The following ASCC3 variants were observed in gnomAD, a reference collection of about 807,000 sequenced individuals.
ASCC3 encodes the protein activating signal cointegrator 1 complex subunit 3.
ASCC3 carries 158 observed loss-of-function variants against 256.3 expected under a neutral mutation model. That is an observed-to-expected ratio of 0.62 (90% CI 0.54 to 0.70). The LOEUF is 0.70. Ranked by LOEUF, ASCC3 falls within the 30% of genes least tolerant of loss-of-function variation. The pLI is 0.00. For synonymous variants in ASCC3, 948 were observed against 883.4 expected (o/e 1.07, Z -1.30); for missense variants, 2,259 against 2,626.0 (o/e 0.86, Z 3.05).
intron 4 of ASCC3, among the ~76,000 whole-genome samples, chr6:100,806,432 C>A (rs1003796284): frequency 6.6e-6 from 1 of 151,964 alleles, no homozygotes; most frequent in Admixed American, 6.6e-5. Context: ...ATATCCCACT[C>A]TCCTATGCAG....
chr6:100,647,871 G>A (rs1429558255), intron 20 of ASCC3, among the ~76,000 whole-genome samples: 1 of 151,732 alleles, frequency 6.6e-6, no homozygotes, highest in East Asian at 1.9e-4. Flanking sequence ...GATCCTGATA[G>A]GGAAAAAAAA....
chr6:100,633,248 A>G (rs939768447), intron 25 of ASCC3, among the ~76,000 whole-genome samples: 6 of 152,178 alleles, frequency 3.9e-5, no homozygotes, highest in Non-Finnish European at 8.8e-5. Context: ...CTGGAACATG[A>G]ATCATCCCTT....
At chr6:100,851,939 C>T (rs980354430) in intron 3 of ASCC3, among the ~76,000 whole-genome samples, 1 of 152,168 alleles carries the variant, frequency 6.6e-6, no homozygotes, top group African/African-American at 2.4e-5. Flanking sequence ...CCCTAAGGGG[C>T]AACCACCCCG....
At chr6:100,777,544 A>C (rs988433751) in intron 8 of ASCC3, among the ~76,000 whole-genome samples, 8 of 152,136 alleles carry the variant, frequency 5.3e-5, no homozygotes, top group Non-Finnish European at 1.5e-5. Context: ...ATTTTAATAG[A>C]TGGTGTAATG....
chr6:100,878,162 G>A (rs1483536435), intron 1 of ASCC3, among the ~76,000 whole-genome samples: 1 of 152,168 alleles, frequency 6.6e-6, no homozygotes, highest in Non-Finnish European at 1.5e-5. Flanking sequence ...TCTCAATCAA[G>A]TTAGGAAACA....
intron 1 of ASCC3, among the ~76,000 whole-genome samples, chr6:100,876,646 C>T (rs964850124): frequency 6.6e-6 from 1 of 152,106 alleles, no homozygotes; most frequent in Non-Finnish European, 1.5e-5. Context: ...AAAAACTGGC[C>T]TACATATCAA....
chr6:100,523,504 T>C (rs967357642), intron 37 of ASCC3, among the ~76,000 whole-genome samples: 2 of 152,090 alleles, frequency 1.3e-5, no homozygotes, highest in African/African-American at 2.4e-5. Context: ...CAAGAACTCA[T>C]AGAAAAGAGG....
At chr6:100,858,626 C>G (rs9390699) in intron 3 of ASCC3, 72,425 of 987,032 alleles carry the variant, frequency 0.073, 5,178 homozygotes, top group East Asian at 0.37. Flanking sequence ...ATTTATTAAT[C>G]CACTCATTAT....
chr6:100,543,517 G>T (rs964070153), intron 36 of ASCC3, among the ~76,000 whole-genome samples: 4 of 151,994 alleles, frequency 2.6e-5, no homozygotes, highest in Non-Finnish European at 5.9e-5. Context: ...AATAGAAAAA[G>T]ATATACTATG....
chr6:100,687,030 TCTCTCACACACACA>T (rs1777604117), intron 13 of ASCC3, among the ~76,000 whole-genome samples: 1 of 129,272 alleles, frequency 7.7e-6, no homozygotes, highest in Non-Finnish European at 1.6e-5. Flanking sequence ...TCTCTCTCTC[TCTCTCACACACACA>T]CACACACACA....
At chr6:100,768,971 A>G (rs1236666378) in intron 8 of ASCC3, among the ~76,000 whole-genome samples, 1 of 152,136 alleles carries the variant, frequency 6.6e-6, no homozygotes, top group East Asian at 1.9e-4. Flanking sequence ...TAAATAGCAC[A>G]CTTTCTACCA....
chr6:100,633,016 G>C (rs534325440), intron 25 of ASCC3, among the ~76,000 whole-genome samples: 1 of 152,128 alleles, frequency 6.6e-6, no homozygotes, highest in African/African-American at 2.4e-5. Flanking sequence ...TCAACAGAGA[G>C]ACAATGTGAA....
intron 10 of ASCC3, among the ~76,000 whole-genome samples, chr6:100,730,175 T>C (rs4840146): frequency 0.94 from 142,867 of 151,948 alleles, 67,483 homozygotes; most frequent in South Asian, 0.99. Flanking sequence ...TGGTTGCACA[T>C]GCCTGTAGTC....
chr6:100,660,257 G>A (rs536595894), intron 16 of ASCC3, among the ~76,000 whole-genome samples: 1 of 151,692 alleles, frequency 6.6e-6, no homozygotes, highest in African/African-American at 2.4e-5. Flanking sequence ...ATAATGTAGT[G>A]ACCTTGGGTC....
At chr6:100,590,300 G>T (rs1261005549) in intron 34 of ASCC3, among the ~76,000 whole-genome samples, 1 of 151,986 alleles carries the variant, frequency 6.6e-6, no homozygotes, top group Admixed American at 6.6e-5. Context: ...GACTAGAAGG[G>T]ACATCATCAG....
At chr6:100,834,903 G>T (rs1771800567) in intron 4 of ASCC3, among the ~76,000 whole-genome samples, 1 of 152,036 alleles carries the variant, frequency 6.6e-6, no homozygotes, top group African/African-American at 2.4e-5. Context: ...ACTGTTTTCT[G>T]ACAGAAACTT....
At chr6:100,867,045 C>A (rs1054569538) in intron 2 of ASCC3, among the ~76,000 whole-genome samples, 1 of 151,968 alleles carries the variant, frequency 6.6e-6, no homozygotes, top group African/African-American at 2.4e-5. Flanking sequence ...TAAGTTTATC[C>A]ATCAGAAGAA....
chr6:100,829,473 C>CA (rs1771508515), intron 4 of ASCC3, among the ~76,000 whole-genome samples: 1 of 151,738 alleles, frequency 6.6e-6, no homozygotes, highest in Non-Finnish European at 1.5e-5. Flanking sequence ...GGCTCGCCAG[C>CA]CGTTCTGAGT....
chr6:100,792,345 T>A (rs1487472139), intron 8 of ASCC3, among the ~76,000 whole-genome samples: 1 of 151,962 alleles, frequency 6.6e-6, no homozygotes, highest in Non-Finnish European at 1.5e-5. Flanking sequence ...ATTATGTCTA[T>A]CTTTAAATGT....
Sources: gnomAD v4.1 joint callset for allele counts (sites outside exome capture counted in the v4.1 genomes callset) on GRCh38, gnomAD v4.1.1 for gene constraint, MANE v1.5 for transcripts, NCBI Gene and HGNC (gene_info 2026-07-23, HGNC 2026-07-21) for gene names.